Variants in SDK1 observed in about 807,000 individuals in gnomAD.
SDK1 encodes the protein sidekick cell adhesion molecule 1, also known as protein sidekick-1.
Under a neutral mutation model 245.5 loss-of-function variants are expected in SDK1, and 157 were observed. The observed-to-expected ratio is 0.64, with a 90% CI of 0.56 to 0.73. The LOEUF (loss-of-function observed/expected upper bound fraction) is 0.73, where lower values mean the gene tolerates loss of function less well. Among genes scored for constraint, SDK1 ranks in the 30% least tolerant of loss-of-function variants. SDK1 has a pLI of 0.00. For missense variants in SDK1, 3,583 were observed against 3,002.3 expected (o/e 1.19, Z -4.52); for synonymous variants, 1,647 against 1,278.5 (o/e 1.29, Z -6.15).
chr7:3,387,196 G>A (rs1289114964), intron 1 of SDK1, among the ~76,000 whole-genome samples: 2 of 152,132 alleles, frequency 1.3e-5, no homozygotes, highest in African/African-American at 4.8e-5. Flanking sequence ...ACATCTATAT[G>A]TGTACTAGGG....
intron 17 of SDK1, among the ~76,000 whole-genome samples, chr7:4,025,074 G>A (rs1252938990): frequency 6.6e-6 from 1 of 151,994 alleles, no homozygotes. Flanking sequence ...TGGAACAATA[G>A]TGACTCTCCC....
chr7:3,522,589 T>C (rs982266771), intron 1 of SDK1, among the ~76,000 whole-genome samples: 9 of 152,234 alleles, frequency 5.9e-5, no homozygotes, highest in East Asian at 3.9e-4. Flanking sequence ...CTGATATGTT[T>C]ATTAAATCAG....
At chr7:3,900,793 C>A (rs1218307872) in intron 5 of SDK1, among the ~76,000 whole-genome samples, 1 of 152,102 alleles carries the variant, frequency 6.6e-6, no homozygotes, top group Non-Finnish European at 1.5e-5. Flanking sequence ...TTTAGACTGA[C>A]ACATTTGCAG....
intron 1 of SDK1, among the ~76,000 whole-genome samples, chr7:3,549,091 A>G (rs375172721): frequency 1.2e-4 from 19 of 152,312 alleles, no homozygotes; most frequent in Non-Finnish European, 1.6e-4. Flanking sequence ...TTGCCATTCA[A>G]TGTAAGTGCA....
chr7:4,242,557 C>T (rs1010569707), intron 43 of SDK1, among the ~76,000 whole-genome samples: 1 of 152,020 alleles, frequency 6.6e-6, no homozygotes, highest in Admixed American at 6.6e-5. Flanking sequence ...GGAGAAGGGC[C>T]AGGAATGGGG....
In SDK1 at chr7:3,939,779, C is replaced by T. The variant is rs118034670; in HGVS notation, c.848-11144C>T. Among the ~76,000 whole-genome samples, 44 of 152,260 alleles carry T rather than the reference C, an allele frequency of 2.9e-4. No homozygotes were observed. In the East Asian group the frequency reaches 6.7e-3, roughly 23 times the overall value. On this transcript the variant is annotated intron_variant, in intron 5 of 44. Coordinates refer to ENST00000404826, the MANE Select transcript of SDK1 (RefSeq NM_152744.4). ...CTGCTCCCCTTGGTGGAAAGAGATC[C>T]GACACACCTGTTGCTCTGAGATGCT...
intron 5 of SDK1, among the ~76,000 whole-genome samples, chr7:3,910,256 A>G (rs1237518418): frequency 6.6e-6 from 1 of 152,226 alleles, no homozygotes; most frequent in Admixed American, 6.5e-5. Flanking sequence ...GAGACAAAAC[A>G]AAAACAGATT....
At chr7:3,415,680 C>G (rs997791241) in intron 1 of SDK1, among the ~76,000 whole-genome samples, 2 of 150,474 alleles carry the variant, frequency 1.3e-5, no homozygotes, top group African/African-American at 4.9e-5. Context: ...AAACCCATGC[C>G]AGTTTTCCTT....
At position 3,468,362 on chromosome 7, in the gene SDK1, G is replaced by A. The variant is rs371493385; in HGVS notation, c.299-150718G>A. ...GAAGGCCTCAGAAGAAGCCTTAGAAGCAAGGCTTTCTCTGACCTTCTCCTG... is the reference window on the plus strand; with the variant it reads ...GAAGGCCTCAGAAGAAGCCTTAGAAACAAGGCTTTCTCTGACCTTCTCCTG... On this transcript the variant is annotated intron_variant, in intron 1 of 44. Transcript: ENST00000404826. Among the ~76,000 whole-genome samples the A allele has an allele frequency of 4.6e-5, 7 of 152,236 alleles. 1 individual carries two copies. The highest frequency in any genetic ancestry group is 1.7e-4 in the African/African-American group (7 of 41,550).
intron 29 of SDK1, among the ~76,000 whole-genome samples, chr7:4,147,257 C>A (rs1780043396): frequency 6.6e-6 from 1 of 152,128 alleles, no homozygotes; most frequent in Non-Finnish European, 1.5e-5. Flanking sequence ...CATAGGTCAC[C>A]GCAGCCTGGA....
intron 5 of SDK1, among the ~76,000 whole-genome samples, chr7:3,830,812 T>C (rs972057058): frequency 4.6e-5 from 7 of 151,150 alleles, no homozygotes; most frequent in Non-Finnish European, 1.0e-4. Flanking sequence ...ATTTTTACCT[T>C]TGATTTTGGA....
intron 1 of SDK1, among the ~76,000 whole-genome samples, chr7:3,385,594 G>A (rs1016081038): frequency 1.3e-5 from 2 of 152,034 alleles, no homozygotes; most frequent in Non-Finnish European, 1.5e-5. Flanking sequence ...AAAACAAGGT[G>A]ACTTGCCATT....
intron 4 of SDK1, among the ~76,000 whole-genome samples, chr7:3,805,261 GTGT>G (rs1208635675): frequency 6.6e-6 from 1 of 152,204 alleles, no homozygotes; most frequent in Non-Finnish European, 1.5e-5. Context: ...ACTTCAGTGA[GTGT>G]TGTTGTTACT....
At chr7:3,470,049 A>G (rs1434315277) in intron 1 of SDK1, among the ~76,000 whole-genome samples, 2 of 152,176 alleles carry the variant, frequency 1.3e-5, no homozygotes, top group East Asian at 1.9e-4. Flanking sequence ...TCATTTTTCC[A>G]TATTTAACAC....
intron 4 of SDK1, among the ~76,000 whole-genome samples, chr7:3,792,776 AC>A (rs1286593543): frequency 2.6e-5 from 4 of 151,298 alleles, no homozygotes; most frequent in African/African-American, 9.7e-5. Context: ...TCTCCCATCC[AC>A]CCATCCATCC....
chr7:4,062,130 A>T lies in SDK1; in HGVS notation c.2912-5708A>T, dbSNP rs189286483. Among the ~76,000 whole-genome samples, 892 of 151,792 alleles carry T rather than the reference A, an allele frequency of 5.9e-3. 6 individuals are homozygous for T. Among genetic ancestry groups the T allele is most frequent in the Admixed American group, 9.4e-3 (143 of 15,234 alleles). ...ACATGTACCCTAAAACTTAAAGTAT[A>T]ATAATAATAATAATAAAAACAATAC... On this transcript the variant is annotated intron_variant, in intron 19 of 44. Coordinates refer to ENST00000404826, the MANE Select transcript of SDK1 (RefSeq NM_152744.4).
chr7:3,977,556 C>T (rs548496147), intron 13 of SDK1, among the ~76,000 whole-genome samples: 2 of 152,382 alleles, frequency 1.3e-5, no homozygotes, highest in South Asian at 2.1e-4. Flanking sequence ...ACTGTCTCTG[C>T]GGTTGGGTGC....
rs1379406803 is a variant in SDK1 at position 3,502,695 on chromosome 7, C to A, written c.299-116385C>A. 2.0e-5 allele frequency among the ~76,000 whole-genome samples: 3 copies of A among 152,050 alleles called. No homozygotes were observed. The East Asian group carries it at 5.8e-4, about 29-fold the overall frequency. ...AATTTTAAAAATATTAAAATTTTGACAATTTTATGTGTTATTGGGGTACCG... is the reference window on the plus strand; with the variant it reads ...AATTTTAAAAATATTAAAATTTTGAAAATTTTATGTGTTATTGGGGTACCG... On this transcript the variant is annotated intron_variant, in intron 1 of 44. Transcript: ENST00000404826.
At chr7:3,978,932 C>T (rs1266793508) in intron 13 of SDK1, among the ~76,000 whole-genome samples, 3 of 152,126 alleles carry the variant, frequency 2.0e-5, no homozygotes, top group South Asian at 2.1e-4. Context: ...AAAAATAGAC[C>T]AGCCGTTGGC....
Sources: gnomAD v4.1 joint callset for allele counts (sites outside exome capture counted in the v4.1 genomes callset) on GRCh38, gnomAD v4.1.1 for gene constraint, MANE v1.5 for transcripts, NCBI Gene and HGNC (gene_info 2026-07-23, HGNC 2026-07-21) for gene names.